The following ITGAE variants were observed in gnomAD, a reference collection of about 807,000 sequenced individuals.
ITGAE encodes integrin subunit alpha E.
Under a neutral mutation model 136.5 loss-of-function variants are expected in ITGAE, and 99 were observed. That is an observed-to-expected ratio of 0.73 (90% CI 0.62 to 0.86). The LOEUF is 0.86. Ranked by LOEUF, ITGAE falls within the 40% of genes least tolerant of loss-of-function variation. The probability of loss-of-function intolerance (pLI) is 0.00; values close to 1 mark genes in which losing one functional copy is unlikely to be tolerated. For missense variants in ITGAE, 1,447 were observed against 1,515.3 expected (o/e 0.95, Z 0.75); for synonymous variants, 613 against 591.8 (o/e 1.04, Z -0.52).
At chr17:3,723,811 G>A (rs796844334) in intron 26 of ITGAE, 67 bp from the exon 27 acceptor site, 1 of 1,581,480 alleles carries the variant, frequency 6.3e-7, no homozygotes. Context: ...TCCCGTCCCG[G>A]CCCCGGCCCT....
chr17:3,776,935 C>T lies in ITGAE; in HGVS notation c.155+605G>A, dbSNP rs980150434. Reference sequence around the variant, plus strand: ...GTTACTTCCATAAGGAACAAAAGAGCCTTAATATGCTTTATTTTAAAATTG... The same window carrying T: ...GTTACTTCCATAAGGAACAAAAGAGTCTTAATATGCTTTATTTTAAAATTG... On this transcript the variant is annotated intron_variant, in intron 2 of 30. Coordinates refer to ENST00000263087, the MANE Select transcript of ITGAE (RefSeq NM_002208.5). Among the ~76,000 whole-genome samples the T allele has an allele frequency of 2.0e-5, 3 of 151,584 alleles. 1 individual carries two copies. Among genetic ancestry groups the T allele is most frequent in the East Asian group, 3.9e-4 (2 of 5,148 alleles).
chr17:3,734,464 T>G (rs2051417103), intron 21 of ITGAE, among the ~76,000 whole-genome samples: 1 of 152,220 alleles, frequency 6.6e-6, no homozygotes, highest in African/African-American at 2.4e-5. Flanking sequence ...ACAGACTGTT[T>G]CCTAGTATCT....
chr17:3,735,730 C>G (rs2051445646), intron 20 of ITGAE, among the ~76,000 whole-genome samples: 1 of 152,234 alleles, frequency 6.6e-6, no homozygotes, highest in African/African-American at 2.4e-5. Context: ...TCAGTTGTTG[C>G]ATGAGATGAC....
intron 17 of ITGAE, among the ~76,000 whole-genome samples, chr17:3,747,349 G>T (rs528905509): frequency 6.6e-6 from 1 of 151,464 alleles, no homozygotes; most frequent in Non-Finnish European, 1.5e-5. Context: ...ACGGAGTCTC[G>T]CTCTGTCACC....
At chr17:3,743,827 C>T (rs564516248) in intron 18 of ITGAE, among the ~76,000 whole-genome samples, 25 of 151,086 alleles carry the variant, frequency 1.7e-4, no homozygotes, top group African/African-American at 4.4e-4. Context: ...CTCAGCCGCC[C>T]GAGTAGCTGG....
At chr17:3,761,299 G>T in intron 5 of ITGAE, 104 bp downstream of exon 5, 11 of 1,545,584 alleles carry the variant, frequency 7.1e-6, no homozygotes, top group Non-Finnish European at 9.6e-6. Context: ...TTGCTCCACT[G>T]TGGGCCTGCG....
chr17:3,751,887 C>T lies in ITGAE; in HGVS notation c.1669-13G>A. 6.2e-7 allele frequency: 1 copy of T among 1,609,066 alleles called. No individual in the cohort carries two copies. Among genetic ancestry groups the T allele is most frequent in the Non-Finnish European group, 8.5e-7 (1 of 1,175,480 alleles). ...AGAAAGAACCATCCTGTAAAGCAAA[C>T]AAACAGCTCAGCCCTCAAGAAGGGG... is the stretch of plus-strand genomic sequence containing the variant. On this transcript the variant is annotated splice_polypyrimidine_tract_variant and intron_variant, in intron 14 of 30. Transcript: ENST00000263087.
At chr17:3,724,054 G>C in intron 26 of ITGAE, 1 of 1,597,178 alleles carries the variant, frequency 6.3e-7, no homozygotes, top group Non-Finnish European at 8.5e-7. Context: ...CCGCAGGACC[G>C]GAGGCGTTTC....
rs1323015074 is a variant in ITGAE, at chr17:3,755,173, A to T, written c.1328T>A (p.Leu443Gln). The T allele has an allele frequency of 5.9e-6, 9 of 1,535,546 alleles. No individual in the cohort carries two copies. Among genetic ancestry groups the T allele is most frequent in the Non-Finnish European group, 7.9e-6 (9 of 1,136,538 alleles). ...YDTRSRRGRF[L>Q]NQTAAAAADA... ...TGCCGCCGCCGCCGCTGTCTGGTTC[A>T]GGAAGCGGCCCCGGCGGCTGCGTGT... Residue 443 changes from leucine to glutamine, a missense_variant, in exon 12 of 31, where the codon CTG becomes CAG. Physicochemically the swap from Leu to Gln is moderately radical, Grantham distance 113. Transcript: ENST00000263087.
intron 1 of ITGAE, among the ~76,000 whole-genome samples, chr17:3,788,776 A>ATTT (rs1318871242): frequency 1.8e-4 from 27 of 146,294 alleles, no homozygotes; most frequent in African/African-American, 6.4e-4. Flanking sequence ...TTATTAAAAT[A>ATTT]ATTATTTAAA....
At chr17:3,801,051 G>T in intron 1 of ITGAE, 60 bp downstream of exon 1, 1 of 1,587,310 alleles carries the variant, frequency 6.3e-7, no homozygotes, top group Non-Finnish European at 8.6e-7. Context: ...GTAGTCTGCA[G>T]ACACCTGGCT....
At chr17:3,746,033 C>A in intron 17 of ITGAE, 106 bp from the exon 18 acceptor site, 1 of 1,000,986 alleles carries the variant, frequency 1.0e-6, no homozygotes, top group East Asian at 2.5e-5. Flanking sequence ...TGAACAGTGT[C>A]CCCATGCAGG....
chr17:3,744,856 C>T (rs1205694225), intron 18 of ITGAE, among the ~76,000 whole-genome samples: 2 of 152,134 alleles, frequency 1.3e-5, no homozygotes, highest in African/African-American at 4.8e-5. Context: ...TTAAATAAGC[C>T]TTTCTGCCCC....
At chr17:3,723,858 C>CCCGCGGCAGGCGGGCGCGT (rs1397429402) in intron 26 of ITGAE, 114 bp from the exon 27 acceptor site, 124 of 1,522,284 alleles carry the variant, frequency 8.1e-5, no homozygotes, top group Non-Finnish European at 1.0e-4. Context: ...GAGCTAGGAC[C>CCCGCGGCAGGCGGGCGCGT]CCGCGGCAGG....
chr17:3,727,509 C>G (rs959458395), intron 26 of ITGAE, among the ~76,000 whole-genome samples: 3 of 151,866 alleles, frequency 2.0e-5, no homozygotes, highest in Non-Finnish European at 4.4e-5. Flanking sequence ...ACACCATTCT[C>G]CTGCCTCAGC....
chr17:3,720,351 T>C lies in ITGAE; in HGVS notation c.3289A>G (p.Lys1097Glu). 1.9e-6 allele frequency: 3 copies of C among 1,591,904 alleles called. No homozygotes were observed. Among genetic ancestry groups the C allele is most frequent in the Non-Finnish European group, 2.6e-6 (3 of 1,159,726 alleles). ...LQILGEISFNKSLYEGLNAEN... is the reference protein window; with the variant it reads ...LQILGEISFNESLYEGLNAEN... ...GCATTCAGTCCCTCATATAGAGATTTGTTGAAAGATATTTCACCAAGGATC... is the reference window on the plus strand; with the variant it reads ...GCATTCAGTCCCTCATATAGAGATTCGTTGAAAGATATTTCACCAAGGATC... Residue 1097 changes from lysine (K) to glutamate (E), a missense_variant, in exon 29 of 31, where the codon AAA becomes GAA. Physicochemically the swap from Lys to Glu is moderately conservative, Grantham distance 56 (BLOSUM62 1). Coordinates refer to ENST00000263087, the MANE Select transcript of ITGAE (RefSeq NM_002208.5).
Position 3,777,586 on chromosome 17 carries a change from C to G in ITGAE, c.109G>C (p.Val37Leu), listed in dbSNP as rs772032855. The G allele has an allele frequency of 3.7e-6, 6 of 1,613,790 alleles. No individual in the cohort carries two copies. Among genetic ancestry groups the G allele is most frequent in the Non-Finnish European group, 5.1e-6 (6 of 1,179,908 alleles). The change falls in exon 2 of 31, where the codon GTG becomes CTG. Residue 37 changes from valine to leucine, a missense_variant. Coordinates refer to ENST00000263087, the MANE Select transcript of ITGAE (RefSeq NM_002208.5). ...WLTPKGGAPF[V>L]LSSLLHQDPS... ...TCTTGGTGCAGAAGGGAGCTGAGCA[C>G]GAAAGGGGCACCTCCCTTGGGCGTG...
chr17:3,745,605 G>A lies in ITGAE; in HGVS notation c.2319+159C>T, dbSNP rs147384959. Among the ~76,000 whole-genome samples, 3 of 152,324 alleles carry A rather than the reference G, an allele frequency of 2.0e-5. 1 individual carries two copies. The highest frequency in any genetic ancestry group is 2.0e-4 in the Admixed American group (3 of 15,304). ...GATCCCCCCGCCTTGGCCTCCCAAAGTGCTGGGATGACAGGCGTGAGCCAC... is the reference window on the plus strand; with the variant it reads ...GATCCCCCCGCCTTGGCCTCCCAAAATGCTGGGATGACAGGCGTGAGCCAC... On this transcript the variant is annotated intron_variant, in intron 18 of 30. Transcript: ENST00000263087.
At chr17:3,732,001 G>A (rs922665804) in intron 22 of ITGAE, among the ~76,000 whole-genome samples, 13 of 152,090 alleles carry the variant, frequency 8.5e-5, no homozygotes, top group African/African-American at 2.9e-4. Flanking sequence ...ACTTGAACCC[G>A]GGAGGCGGAG....
Sources: allele counts gnomAD v4.1 joint callset (sites outside exome capture counted in the v4.1 genomes callset), GRCh38; gene constraint gnomAD v4.1.1; transcripts MANE v1.5; gene names NCBI Gene and HGNC (gene_info 2026-07-23, HGNC 2026-07-21).